Variants in EXT2 observed in about 807,000 individuals in gnomAD.
EXT2 encodes the protein exostosin glycosyltransferase 2.
A neutral mutation model predicts 81.6 loss-of-function variants in EXT2; 53 were observed. That is an observed-to-expected ratio of 0.65 (90% CI 0.52 to 0.82). The LOEUF (loss-of-function observed/expected upper bound fraction) is 0.82. Ranked by LOEUF, EXT2 falls within the 40% of genes least tolerant of loss-of-function variation. The pLI is 0.00. For missense variants in EXT2, 774 were observed against 910.2 expected (o/e 0.85, Z 1.93); for synonymous variants, 320 against 340.0 (o/e 0.94, Z 0.65).
intron 7 of EXT2, among the ~76,000 whole-genome samples, chr11:44,158,505 C>T (rs1430670951): frequency 2.7e-5 from 4 of 150,404 alleles, no homozygotes; most frequent in African/African-American, 9.8e-5. Context: ...AAGATTCCTT[C>T]CAAAATAGTA....
intron 8 of EXT2, among the ~76,000 whole-genome samples, chr11:44,189,889 A>C (rs1385492085): frequency 6.6e-6 from 1 of 152,196 alleles, no homozygotes; most frequent in Non-Finnish European, 1.5e-5. Flanking sequence ...CTAGTTTTGC[A>C]AGTCAGCATG....
chr11:44,137,752 T>A (rs1954591260), intron 7 of EXT2, among the ~76,000 whole-genome samples: 1 of 152,198 alleles, frequency 6.6e-6, no homozygotes, highest in South Asian at 2.1e-4. Flanking sequence ...CACCTAAGCA[T>A]TCTTTAAATT....
chr11:44,110,551 G>A (rs1954128586), intron 3 of EXT2, among the ~76,000 whole-genome samples: 1 of 152,222 alleles, frequency 6.6e-6, no homozygotes. Flanking sequence ...TTGGAGAACA[G>A]AGAAGGGAAG....
In EXT2 at chr11:44,159,121, C is replaced by CT. The variant is rs199749540; in HGVS notation, c.1174-12477dup. Reference sequence around the variant, plus strand: ...CATTTTTAGGGTTTTTGCTTTCGTTCTTTTTTTTTTTTTCTTCATTTATTC... The same window carrying CT: ...CATTTTTAGGGTTTTTGCTTTCGTTCTTTTTTTTTTTTTTCTTCATTTATTC... On this transcript the variant is annotated intron_variant, in intron 7 of 13. Transcript: ENST00000533608. Among the ~76,000 whole-genome samples the CT allele has an allele frequency of 1.1e-3, 155 of 140,704 alleles. 3 individuals are homozygous for CT. The highest frequency in any genetic ancestry group is 2.1e-3 in the East Asian group (10 of 4,820). 92.3% of individuals were successfully genotyped at this position (140,704 alleles called of 152,430 possible). A position where few individuals can be genotyped will look rare whatever the true frequency, so the allele number is the denominator to read the frequency against.
intron 10 of EXT2, among the ~76,000 whole-genome samples, chr11:44,232,057 A>G (rs1955905270): frequency 6.6e-6 from 1 of 152,152 alleles, no homozygotes; most frequent in Non-Finnish European, 1.5e-5. Flanking sequence ...TTCATTAATC[A>G]TATGTTAAGA....
chr11:44,177,438 G>A (rs773293854), intron 8 of EXT2, among the ~76,000 whole-genome samples: 43 of 152,118 alleles, frequency 2.8e-4, no homozygotes, highest in Non-Finnish European at 5.3e-4. Context: ...AGCCTCTATA[G>A]CTAGGGTTCT....
chr11:44,215,865 AT>A (rs34411687), intron 10 of EXT2, among the ~76,000 whole-genome samples: 27,574 of 127,194 alleles, frequency 0.22, 1,898 homozygotes, highest in East Asian at 0.32. Context: ...CCATTTGGGA[AT>A]TTTTTTTTTT....
chr11:44,241,932 G>T (rs941468071), intron 13 of EXT2, among the ~76,000 whole-genome samples: 1 of 152,258 alleles, frequency 6.6e-6, no homozygotes, highest in Non-Finnish European at 1.5e-5. Context: ...CGCTTCTCCA[G>T]TGTGGGCCTG....
chr11:44,243,618 CTTTTTT>C (rs1215047805), intron 13 of EXT2, among the ~76,000 whole-genome samples: 7 of 72,894 alleles, frequency 9.6e-5, no homozygotes, highest in Non-Finnish European at 1.5e-4. Context: ...GCCCTGTCAC[CTTTTTT>C]TTTTTTTTTT....
intron 10 of EXT2, among the ~76,000 whole-genome samples, chr11:44,207,901 A>C (rs1248367381): frequency 1.3e-5 from 2 of 152,106 alleles, no homozygotes; most frequent in African/African-American, 4.8e-5. Context: ...TTAAAAGCTC[A>C]AGTTTTCCTA....
Position 44,245,613 on chromosome 11 carries a change from A to G in EXT2, c.*1326A>G, listed in dbSNP as rs1345515068. On this transcript the variant is annotated 3_prime_UTR_variant, in exon 14 of 14. Transcript: ENST00000533608. ...ACATAACAATTTGCTTAGAATATGG[A>G]TATAATTACAGAAACCTAGTTGTTT... Among the ~76,000 whole-genome samples, 1 of 152,210 alleles carries G rather than the reference A, an allele frequency of 6.6e-6. No homozygotes were observed. Among genetic ancestry groups the G allele is most frequent in the Non-Finnish European group, 1.5e-5 (1 of 68,040 alleles).
intron 5 of EXT2, 66 bp downstream of exon 5, chr11:44,125,050 C>A: frequency 6.6e-7 from 1 of 1,505,506 alleles, no homozygotes; most frequent in Non-Finnish European, 9.2e-7. Flanking sequence ...TAAAATTGAG[C>A]CCAGCGAACC....
chr11:44,219,427 A>G (rs962345980), intron 10 of EXT2, among the ~76,000 whole-genome samples: 1 of 152,098 alleles, frequency 6.6e-6, no homozygotes, highest in African/African-American at 2.4e-5. Context: ...GTGAGGTGGG[A>G]GAATCACTTG....
At chr11:44,121,571 C>T (rs1028178348) in intron 4 of EXT2, among the ~76,000 whole-genome samples, 12 of 151,884 alleles carry the variant, frequency 7.9e-5, no homozygotes, top group African/African-American at 2.9e-4. Context: ...ACTTCTGTTG[C>T]CCCCCTGCCC....
chr11:44,194,834 C>CAA (rs1955436776), intron 8 of EXT2, among the ~76,000 whole-genome samples: 1 of 151,980 alleles, frequency 6.6e-6, no homozygotes, highest in Admixed American at 6.6e-5. Context: ...TGGTGTTTTT[C>CAA]AAGCAGGCAT....
chr11:44,119,169 T>TACATATATATATATATATATATATATAC lies in EXT2; in HGVS notation c.743+4871_743+4872insTATATATATATATATATATATATACACA, dbSNP rs1954278270. On this transcript the variant is annotated intron_variant, in intron 4 of 13. Transcript: ENST00000533608. Reference sequence around the variant, plus strand: ...ATATATATATATATATATATATATATACACATACACACACACACACACACA... The same window carrying TACATATATATATATATATATATATATAC: ...ATATATATATATATATATATATATATACATATATATATATATATATATATATACACACATACACACACACACACACACA... Among the ~76,000 whole-genome samples, 5 of 63,158 alleles carry TACATATATATATATATATATATATATAC rather than the reference T, an allele frequency of 7.9e-5. 1 individual carries two copies. The highest frequency in any genetic ancestry group is 1.1e-3 in the East Asian group (2 of 1,748). 41.4% of individuals were successfully genotyped at this position (63,158 alleles called of 152,430 possible). A position where few individuals can be genotyped will look rare whatever the true frequency, so the allele number is the denominator to read the frequency against.
At chr11:44,233,311 T>C (rs1387021644) in intron 11 of EXT2, among the ~76,000 whole-genome samples, 1 of 152,192 alleles carries the variant, frequency 6.6e-6, no homozygotes, top group Non-Finnish European at 1.5e-5. Context: ...ATATGATTAA[T>C]AGAAAAGAAA....
At chr11:44,185,172 G>C (rs911604548) in intron 8 of EXT2, among the ~76,000 whole-genome samples, 2 of 152,160 alleles carry the variant, frequency 1.3e-5, no homozygotes, top group African/African-American at 2.4e-5. Flanking sequence ...TACTTCCTGT[G>C]CCCAAAACCA....
intron 13 of EXT2, 85 bp downstream of exon 13, chr11:44,236,460 A>G (rs1297046207): frequency 7.9e-7 from 1 of 1,261,112 alleles, no homozygotes; most frequent in Non-Finnish European, 1.1e-6. Flanking sequence ...TTTGTTGGAG[A>G]TATAAGGACA....
Sources: gnomAD v4.1 joint callset for allele counts (sites outside exome capture counted in the v4.1 genomes callset) on GRCh38, gnomAD v4.1.1 for gene constraint, MANE v1.5 for transcripts, NCBI Gene and HGNC (gene_info 2026-07-23, HGNC 2026-07-21) for gene names.